ANKAR: variants seen among roughly 807,000 people sequenced by gnomAD.
The protein encoded by ANKAR is ankyrin and armadillo repeat-containing protein.
In ANKAR, 136 loss-of-function variants were observed where a neutral mutation model predicts 146.2. That is an observed-to-expected ratio of 0.93 (90% CI 0.81 to 1.07). The LOEUF (loss-of-function observed/expected upper bound fraction) is 1.07, where lower values mean the gene tolerates loss of function less well. ANKAR is among the 50% of genes least tolerant of loss of function. ANKAR has a pLI of 0.00. For synonymous variants in ANKAR, 500 were observed against 575.8 expected, an observed-to-expected ratio of 0.87 and a Z score of 1.88; for missense variants, 1,567 against 1,679.9, an observed-to-expected ratio of 0.93 and a Z score of 1.18.
intron 7 of ANKAR, among the ~76,000 whole-genome samples, chr2:189,700,098 T>G (rs938206800): frequency 1.1e-4 from 17 of 152,094 alleles, no homozygotes; most frequent in African/African-American, 3.9e-4. Flanking sequence ...GTTTCTAACC[T>G]ATATCATTTT....
chr2:189,676,665 G>C lies in ANKAR; in HGVS notation c.175G>C (p.Glu59Gln), dbSNP rs1454541250. ...ACTAGTTAGCTGGTTGTCTGCCAAA[G>C]AGGATGTGCGCTCTCAAGTAGACCT... ...TALVSWLSAK[E>Q]DVRSQVDLPC... Residue 59 changes from glutamate to glutamine, a missense_variant, in exon 2 of 23, where the codon GAG becomes CAG. Physicochemically the swap from Glu to Gln is conservative, Grantham distance 29 (BLOSUM62 2). Coordinates refer to ENST00000684021, the MANE Select transcript of ANKAR (RefSeq NM_001378068.1). 3 of 1,614,198 alleles carry C rather than the reference G, an allele frequency of 1.9e-6. No individual in the cohort carries two copies.
chr2:189,719,180 C>T (rs2040948296), intron 10 of ANKAR, among the ~76,000 whole-genome samples: 1 of 152,128 alleles, frequency 6.6e-6, no homozygotes, highest in Non-Finnish European at 1.5e-5. Context: ...TAATAAAATA[C>T]TCAAATAATT....
intron 10 of ANKAR, 95 bp from the exon 11 acceptor site, chr2:189,719,477 C>A: frequency 2.1e-6 from 2 of 936,310 alleles, no homozygotes; most frequent in Non-Finnish European, 2.9e-6. Context: ...TATTGCAATG[C>A]CCATAAATAT....
chr2:189,696,661 A>G (rs976516820), intron 7 of ANKAR, among the ~76,000 whole-genome samples: 2 of 152,224 alleles, frequency 1.3e-5, no homozygotes, highest in African/African-American at 4.8e-5. Flanking sequence ...TGTCCAGATG[A>G]AAGTGTGGCT....
intron 18 of ANKAR, chr2:189,752,704 C>G (rs761943403): frequency 6.2e-7 from 1 of 1,613,820 alleles, no homozygotes. Flanking sequence ...CAAGCCAGCA[C>G]GTAGTCTTTC....
chr2:189,706,384 TCAACAACAACAACAACAA>T (rs529179927), intron 8 of ANKAR, among the ~76,000 whole-genome samples: 30 of 151,212 alleles, frequency 2.0e-4, no homozygotes, highest in Non-Finnish European at 4.1e-4. Context: ...AGACTCCATC[TCAACAACAACAACAACAA>T]CAACAACAAC....
intron 2 of ANKAR, among the ~76,000 whole-genome samples, chr2:189,685,905 G>C (rs191727175): frequency 1.2e-4 from 18 of 152,202 alleles, no homozygotes; most frequent in Non-Finnish European, 1.5e-5. Flanking sequence ...GTGCTATCTG[G>C]GGAAGATGAT....
intron 20 of ANKAR, 111 bp downstream of exon 20, chr2:189,741,562 AATT>A: frequency 1.7e-6 from 1 of 597,820 alleles, no homozygotes; most frequent in Non-Finnish European, 2.7e-6. Context: ...GATATAATAT[AATT>A]CTTATTACTA....
Position 189,695,074 on chromosome 2 carries a change from G to A in ANKAR, c.1401G>A (p.Leu467=), listed in dbSNP as rs1233996161. The change falls in exon 6 of 23, where the codon CTG becomes CTA. Residue 467 remains leucine, a synonymous_variant. Coordinates refer to ENST00000684021, the MANE Select transcript of ANKAR (RefSeq NM_001378068.1). ...CCATAAATGAAATAGTGAACAATCT[G>A]AGACTGAAAAGACTTCCACTGACAG... ...WGAINEIVNN[L]RLKRLPLTDA... is the part of the protein sequence containing the mutation. 6.2e-7 allele frequency: 1 copy of A among 1,612,922 alleles called. No individual in the cohort carries two copies. The highest frequency in any genetic ancestry group is 8.5e-7 in the Non-Finnish European group (1 of 1,179,462).
In ANKAR at chr2:189,706,942, C is replaced by A; in HGVS notation, c.1915C>A (p.Gln639Lys). The A allele has an allele frequency of 6.3e-7, 1 of 1,599,804 alleles. No individual in the cohort carries two copies. The highest frequency in any genetic ancestry group is 8.5e-7 in the Non-Finnish European group (1 of 1,175,460). ...GTTATGTTTCTTAATTTTTAGGAAT[C>A]AGTGCACTCCACTGTTACTTGCTGC... ...LLEAEATAENQCTPLLLAATS... is the reference protein window; with the variant it reads ...LLEAEATAENKCTPLLLAATS... The change falls in exon 9 of 23, where the codon CAG (glutamine) becomes AAG (lysine). Residue 639 changes from glutamine (Q) to lysine (K), a missense_variant. By Grantham distance (53) the Gln-to-Lys change is moderately conservative (BLOSUM62 1). Coordinates refer to ENST00000684021, the MANE Select transcript of ANKAR (RefSeq NM_001378068.1).
chr2:189,725,488 T>C (rs2041780311), intron 12 of ANKAR, among the ~76,000 whole-genome samples: 1 of 152,148 alleles, frequency 6.6e-6, no homozygotes, highest in Non-Finnish European at 1.5e-5. Context: ...CATCATCATA[T>C]GGTGACAGAA....
At chr2:189,713,041 TAATGA>T (rs113561576) in intron 10 of ANKAR, among the ~76,000 whole-genome samples, 5,711 of 152,050 alleles carry the variant, frequency 0.038, 147 homozygotes, top group African/African-American at 0.067. Context: ...AAGATCAAAT[TAATGA>T]AATAAAGCGA....
At chr2:189,679,337 C>A in intron 2 of ANKAR, among the ~76,000 whole-genome samples, 1 of 152,032 alleles carries the variant, frequency 6.6e-6, no homozygotes, top group South Asian at 2.1e-4. Context: ...TACTAAATTC[C>A]TTTATGGCAT....
chr2:189,717,708 C>G (rs568983826), intron 10 of ANKAR, among the ~76,000 whole-genome samples: 2 of 152,254 alleles, frequency 1.3e-5, no homozygotes, highest in South Asian at 4.2e-4. Flanking sequence ...CAATGATAGA[C>G]TGGATTAAGA....
At chr2:189,685,943 T>C (rs979916599) in intron 2 of ANKAR, among the ~76,000 whole-genome samples, 1 of 152,102 alleles carries the variant, frequency 6.6e-6, no homozygotes, top group African/African-American at 2.4e-5. Flanking sequence ...CCTTTTCTTT[T>C]AAAAAAATTC....
intron 16 of ANKAR, 31 bp downstream of exon 16, chr2:189,730,632 G>T: frequency 4.2e-6 from 5 of 1,179,222 alleles, no homozygotes; most frequent in Non-Finnish European, 5.8e-6. Flanking sequence ...TTCTGATATG[G>T]TAAAAATTAA....
rs2036986478 is a variant in ANKAR, at chr2:189,695,009, ACTTT to A, written c.1339_1342del (p.Phe447IlefsTer13). Reference sequence around the variant, plus strand: ...CTATGTGATCTATTTTGAACTAGAAACTTTCTATCAGCAACTATATAAGACACAG... The same window carrying A: ...CTATGTGATCTATTTTGAACTAGAAACTATCAGCAACTATATAAGACACAG... On this transcript the variant is annotated frameshift_variant, in exon 6 of 23. Coordinates refer to ENST00000684021, the MANE Select transcript of ANKAR (RefSeq NM_001378068.1). LOFTEE classifies it high-confidence loss of function. The A allele has an allele frequency of 6.4e-7, 1 of 1,551,938 alleles. No homozygotes were observed. The highest frequency in any genetic ancestry group is 1.3e-5 in the South Asian group (1 of 76,800).
At chr2:189,699,852 G>A (rs1179054942) in intron 7 of ANKAR, among the ~76,000 whole-genome samples, 1 of 152,020 alleles carries the variant, frequency 6.6e-6, no homozygotes, top group African/African-American at 2.4e-5. Flanking sequence ...TTTTAGTAGA[G>A]ACAGGGTTTC....
intron 7 of ANKAR, among the ~76,000 whole-genome samples, chr2:189,700,437 A>G (rs1240324727): frequency 6.6e-6 from 1 of 152,220 alleles, no homozygotes; most frequent in Non-Finnish European, 1.5e-5. Flanking sequence ...GTAGGCATAT[A>G]TACTTGGAGT....
Sources: allele counts gnomAD v4.1 joint callset (sites outside exome capture counted in the v4.1 genomes callset), GRCh38; gene constraint gnomAD v4.1.1; transcripts MANE v1.5; gene names NCBI Gene and HGNC (gene_info 2026-07-23, HGNC 2026-07-21).